KHDRBS2: variants seen among roughly 807,000 people sequenced by gnomAD.
The protein encoded by KHDRBS2 is KH RNA binding domain containing, signal transduction associated 2.
A neutral mutation model predicts 44.3 loss-of-function variants in KHDRBS2; 26 were observed. The observed-to-expected ratio is 0.59, with a 90% CI of 0.43 to 0.81. The LOEUF (loss-of-function observed/expected upper bound fraction) is 0.81, where lower values mean the gene tolerates loss of function less well. Among genes scored for constraint, KHDRBS2 ranks in the 40% least tolerant of loss-of-function variants. The pLI is 0.00. For missense variants in KHDRBS2, 476 were observed against 433.1 expected, an observed-to-expected ratio of 1.10 and a Z score of -0.88; for synonymous variants, 194 against 151.1, an observed-to-expected ratio of 1.28 and a Z score of -2.08.
chr6:62,146,028 G>A (rs993217563), intron 2 of KHDRBS2, among the ~76,000 whole-genome samples: 4 of 151,740 alleles, frequency 2.6e-5, no homozygotes, highest in African/African-American at 9.7e-5. Context: ...GGTCAGCTAA[G>A]AATCCTAGAA....
intron 1 of KHDRBS2, among the ~76,000 whole-genome samples, chr6:62,234,019 G>T (rs894019951): frequency 5.9e-5 from 9 of 151,750 alleles, no homozygotes; most frequent in Non-Finnish European, 1.0e-4. Flanking sequence ...GGGTTGCTGT[G>T]TGAAATGGTA....
intron 6 of KHDRBS2, among the ~76,000 whole-genome samples, chr6:61,820,967 T>G (rs1321593860): frequency 6.6e-6 from 1 of 152,052 alleles, no homozygotes; most frequent in Non-Finnish European, 1.5e-5. Context: ...TGGGGCTGAC[T>G]AAATTCCTAC....
intron 5 of KHDRBS2, among the ~76,000 whole-genome samples, chr6:61,900,652 T>A (rs1224114294): frequency 6.6e-6 from 1 of 152,150 alleles, no homozygotes; most frequent in Non-Finnish European, 1.5e-5. Context: ...ACTTTAAATA[T>A]CCTTACCATC....
chr6:61,583,354 A>T, the KHDRBS2 span, among the ~76,000 whole-genome samples: 1 of 151,940 alleles, frequency 6.6e-6, no homozygotes, highest in East Asian at 1.9e-4. Context: ...ATTTTGTAAA[A>T]TAACACAGCT....
chr6:61,978,009 G>A, intron 4 of KHDRBS2, 57 bp downstream of exon 4: 1 of 1,389,068 alleles, frequency 7.2e-7, no homozygotes, highest in East Asian at 2.3e-5. Flanking sequence ...GATCAAAGGT[G>A]CATTTTAAAA....
intron 4 of KHDRBS2, among the ~76,000 whole-genome samples, chr6:61,927,995 T>C (rs1349091667): frequency 2.0e-5 from 3 of 152,136 alleles, no homozygotes; most frequent in African/African-American, 7.2e-5. Context: ...GGATACTGCT[T>C]ACACAGTATC....
intron 1 of KHDRBS2, among the ~76,000 whole-genome samples, chr6:62,284,850 T>C (rs1387657818): frequency 6.6e-6 from 1 of 152,194 alleles, no homozygotes. Flanking sequence ...AAAAATCTTT[T>C]AATACTGAGG....
intron 1 of KHDRBS2, among the ~76,000 whole-genome samples, chr6:62,255,577 GTAT>G (rs1837240930): frequency 6.8e-6 from 1 of 147,478 alleles, no homozygotes; most frequent in Admixed American, 6.9e-5. Context: ...ATGCAGTGCT[GTAT>G]TTACCCTCAT....
At chr6:62,002,607 C>T (rs1004817587) in intron 3 of KHDRBS2, among the ~76,000 whole-genome samples, 4 of 151,012 alleles carry the variant, frequency 2.6e-5, no homozygotes, top group African/African-American at 9.7e-5. Context: ...AGATTTCAAT[C>T]GTAATGTAGA....
intron 3 of KHDRBS2, 112 bp from the exon 4 acceptor site, chr6:61,978,324 T>C (rs535505887): frequency 2.6e-4 from 186 of 705,892 alleles, no homozygotes; most frequent in Non-Finnish European, 4.0e-4. Context: ...CATAATTTGC[T>C]TCCATAATTT....
chr6:62,157,679 T>A (rs369836832), intron 2 of KHDRBS2, among the ~76,000 whole-genome samples: 2 of 152,214 alleles, frequency 1.3e-5, no homozygotes, highest in Admixed American at 6.5e-5. Context: ...ATTTCATTAT[T>A]TAATATTATA....
intron 6 of KHDRBS2, among the ~76,000 whole-genome samples, chr6:61,888,475 G>A (rs1801301522): frequency 6.6e-6 from 1 of 151,630 alleles, no homozygotes; most frequent in Admixed American, 6.6e-5. Context: ...AAAATATCCA[G>A]TATGTAGATA....
At chr6:61,602,856 C>T in the KHDRBS2 span, among the ~76,000 whole-genome samples, 1 of 152,094 alleles carries the variant, frequency 6.6e-6, no homozygotes, top group African/African-American at 2.4e-5. Flanking sequence ...TGCCCAGCTC[C>T]CTTATTAGGT....
rs150717074 is a variant in KHDRBS2, at chr6:62,246,102, TTATATATATATA to T, written c.91+39744_91+39755del. Among the ~76,000 whole-genome samples the T allele has an allele frequency of 3.6e-3, 452 of 124,352 alleles. 5 individuals are homozygous for T. The highest frequency in any genetic ancestry group is 0.012 in the African/African-American group (417 of 34,482). 81.6% of individuals were successfully genotyped at this position (124,352 alleles called of 152,430 possible). On this transcript the variant is annotated intron_variant, in intron 1 of 8. Transcript: ENST00000281156. ...CATAGAAACATTAATTCAATCAATT[TTATATATATATA>T]TATATATATATATATATATATAATC...
At chr6:61,855,293 C>A (rs1375334974) in intron 6 of KHDRBS2, among the ~76,000 whole-genome samples, 1 of 151,890 alleles carries the variant, frequency 6.6e-6, no homozygotes, top group Non-Finnish European at 1.5e-5. Context: ...TTTTTAGGAA[C>A]AATTATTATG....
At chr6:61,624,212 G>A in the KHDRBS2 span, among the ~76,000 whole-genome samples, 1 of 152,130 alleles carries the variant, frequency 6.6e-6, no homozygotes. Context: ...ACTTCAGAAA[G>A]CCTTTTTCAT....
intron 7 of KHDRBS2, among the ~76,000 whole-genome samples, chr6:61,706,465 G>A (rs1769574845): frequency 6.6e-6 from 1 of 151,740 alleles, no homozygotes; most frequent in African/African-American, 2.4e-5. Context: ...GATAAGACAT[G>A]GGCTGAGAGA....
intron 1 of KHDRBS2, among the ~76,000 whole-genome samples, chr6:62,278,600 A>G (rs1841341153): frequency 6.6e-6 from 1 of 152,236 alleles, no homozygotes; most frequent in Non-Finnish European, 1.5e-5. Context: ...AAAAATATAA[A>G]TTAAAACACA....
the KHDRBS2 span, among the ~76,000 whole-genome samples, chr6:61,547,161 A>T: frequency 6.6e-6 from 1 of 152,144 alleles, no homozygotes; most frequent in African/African-American, 2.4e-5. Flanking sequence ...CTCCACACAG[A>T]CAGTGGCTCC....
Sources: allele counts gnomAD v4.1 joint callset (sites outside exome capture counted in the v4.1 genomes callset), GRCh38; gene constraint gnomAD v4.1.1; transcripts MANE v1.5; gene names NCBI Gene and HGNC (gene_info 2026-07-23, HGNC 2026-07-21).